Variants in HELLS observed in about 807,000 individuals in gnomAD.
HELLS encodes the protein lymphoid-specific helicase.
A neutral mutation model predicts 120.0 loss-of-function variants in HELLS; 32 were observed. The observed-to-expected ratio is 0.27, with a 90% confidence interval of 0.20 to 0.36. The LOEUF (loss-of-function observed/expected upper bound fraction) is 0.36, where lower values mean the gene tolerates loss of function less well. HELLS is among the 10% of genes least tolerant of loss of function. The probability of loss-of-function intolerance (pLI) is 1.00; values close to 1 mark genes in which losing one functional copy is unlikely to be tolerated. For synonymous variants in HELLS, 341 were observed against 323.4 expected (o/e 1.05, Z -0.58); for missense variants, 650 against 993.4 (o/e 0.65, Z 4.65).
chr10:94,576,539 G>A, intron 9 of HELLS, 123 bp from the exon 10 acceptor site: 2 of 516,290 alleles, frequency 3.9e-6, no homozygotes, highest in Non-Finnish European at 6.5e-6. Flanking sequence ...TTTTGCTATA[G>A]AAAAATAGAA....
rs2134139041 is a variant in HELLS at position 94,601,563 on chromosome 10, A to G, written c.2458A>G (p.Met820Val). 6.3e-7 allele frequency: 1 copy of G among 1,584,348 alleles called. No individual in the cohort carries two copies. The highest frequency in any genetic ancestry group is 1.3e-5 in the African/African-American group (1 of 74,178). Residue 820 changes from methionine to valine, a missense_variant, in exon 22 of 22, where the codon ATG becomes GTG. This residue lies in a region of HELLS where 90 missense variants were observed against 109.2 expected (regional missense o/e 0.82). Coordinates refer to ENST00000348459, the MANE Select transcript of HELLS (RefSeq NM_018063.5). ...MNASGPIKEK[M>V]GIFKILENSE... ...TGCTTCAGGACCAATTAAAGAGAAG[A>G]TGGGGATATTCAAGATATTAGAAAA...
At chr10:94,600,975 G>T (rs1308497974) in intron 21 of HELLS, among the ~76,000 whole-genome samples, 2 of 152,078 alleles carry the variant, frequency 1.3e-5, no homozygotes, top group African/African-American at 4.8e-5. Context: ...ATAAGAGCAG[G>T]CTATTACCAA....
Position 94,552,309 on chromosome 10 carries a change from GTTAAC to G in HELLS, c.154-1812_154-1808del, listed in dbSNP as rs567932888. On this transcript the variant is annotated intron_variant, in intron 2 of 21. Transcript: ENST00000348459. ...AATTTAGAATCTTTTTAATTCTAAA[GTTAAC>G]TTAAGTGTGATTTTTAGTGCTGTTG... 2.7e-4 allele frequency among the ~76,000 whole-genome samples: 41 copies of G among 152,246 alleles called. 1 individual carries two copies. The highest frequency in any genetic ancestry group is 7.9e-4 in the African/African-American group (33 of 41,560).
downstream of HELLS, among the ~76,000 whole-genome samples, chr10:94,605,932 C>G (rs1302188013): frequency 6.6e-6 from 1 of 152,004 alleles, no homozygotes; most frequent in Non-Finnish European, 1.5e-5. Flanking sequence ...GCACCTGGCC[C>G]GAATGCTGCT....
chr10:94,563,808 C>CTT (rs10623208), intron 6 of HELLS, among the ~76,000 whole-genome samples: 48,774 of 136,208 alleles, frequency 0.36, 9,224 homozygotes, highest in East Asian at 0.66. Flanking sequence ...GTTTTCTTTT[C>CTT]TTTTTTTTTT....
In HELLS at chr10:94,562,977, G is replaced by T. The variant is rs193214485; in HGVS notation, c.435+101G>T. The stretch of plus-strand genomic sequence containing the variant: ...AAAGATTGAATATTCAATATCACAT[G>T]AAATATGTTTTGAATTTAATATTAT... On this transcript the variant is annotated intron_variant, in intron 6 of 21. Coordinates refer to ENST00000348459, the MANE Select transcript of HELLS (RefSeq NM_018063.5). 1,394 of 713,062 alleles carry T rather than the reference G, an allele frequency of 2.0e-3. 6 individuals carry two copies. The highest frequency in any genetic ancestry group is 2.8e-3 in the Non-Finnish European group (1,213 of 427,124). 44.2% of individuals were successfully genotyped at this position (713,062 alleles called of 1,614,324 possible).
At chr10:94,551,939 C>T (rs1265839334) in intron 2 of HELLS, among the ~76,000 whole-genome samples, 1 of 152,100 alleles carries the variant, frequency 6.6e-6, no homozygotes, top group Non-Finnish European at 1.5e-5. Flanking sequence ...CAGGGTTTCA[C>T]CGTGTTAGCC....
exon 10 of HELLS, chr10:94,609,873 C>T (rs1029565404): frequency 2.0e-5 from 3 of 152,006 alleles, no homozygotes; most frequent in Non-Finnish European, 2.9e-5. Context: ...CAAGAGAAGC[C>T]GTACTGGAAT....
chr10:94,590,002 ATAAT>A (rs1423319732), intron 13 of HELLS, among the ~76,000 whole-genome samples: 3 of 151,998 alleles, frequency 2.0e-5, no homozygotes, highest in African/African-American at 7.3e-5. Flanking sequence ...TCCCTTTTTA[ATAAT>A]TAATTATAAT....
downstream of HELLS, among the ~76,000 whole-genome samples, chr10:94,603,458 T>G (rs554393868): frequency 1.3e-5 from 2 of 152,352 alleles, no homozygotes; most frequent in East Asian, 3.9e-4. Context: ...TTTCTCAGTT[T>G]CCTTTGCTGT....
intron 15 of HELLS, 71 bp downstream of exon 15, chr10:94,590,847 T>A: frequency 1.2e-6 from 1 of 842,362 alleles, no homozygotes. Flanking sequence ...AGTGTTACTT[T>A]TTTTGATTAT....
chr10:94,552,587 A>G (rs933738106), intron 2 of HELLS, among the ~76,000 whole-genome samples: 1 of 152,282 alleles, frequency 6.6e-6, no homozygotes, highest in African/African-American at 2.4e-5. Context: ...TGTAGTATAA[A>G]TCAGACTTTC....
At chr10:94,598,264 T>C (rs1845839958) in intron 21 of HELLS, among the ~76,000 whole-genome samples, 2 of 152,218 alleles carry the variant, frequency 1.3e-5, no homozygotes, top group Admixed American at 6.5e-5. Flanking sequence ...GTAACATTCA[T>C]ATCACGGATA....
intron 6 of HELLS, among the ~76,000 whole-genome samples, chr10:94,568,266 G>A (rs1843942183): frequency 6.7e-6 from 1 of 149,514 alleles, no homozygotes; most frequent in African/African-American, 2.5e-5. Flanking sequence ...TTATGCAGTT[G>A]AGCAGTTTTA....
rs1842719483 is a variant in HELLS at position 94,545,851 on chromosome 10, T to A, written c.-71T>A. ...GCTAGAAGGCTGGGCCGGCAGCGGTTGTGAGGAGTTAGCTCGCGGCATTGC... is the reference window on the plus strand; with the variant it reads ...GCTAGAAGGCTGGGCCGGCAGCGGTAGTGAGGAGTTAGCTCGCGGCATTGC... On this transcript the variant is annotated 5_prime_UTR_variant, in exon 1 of 22. Transcript: ENST00000348459. 6.7e-7 allele frequency: 1 copy of A among 1,491,730 alleles called. No individual in the cohort carries two copies. Among genetic ancestry groups the A allele is most frequent in the Non-Finnish European group, 9.2e-7 (1 of 1,092,234 alleles). The allele number at this position is 1,491,730 out of a possible 1,614,324, so 92.4% of individuals were successfully genotyped here.
intron 10 of HELLS, among the ~76,000 whole-genome samples, chr10:94,580,592 A>G (rs1017664277): frequency 2.0e-5 from 3 of 152,134 alleles, no homozygotes; most frequent in Admixed American, 1.3e-4. Flanking sequence ...TTTCTTGGTT[A>G]TTTTAATAAA....
At chr10:94,580,888 T>C (rs1052357590) in intron 10 of HELLS, among the ~76,000 whole-genome samples, 4 of 152,200 alleles carry the variant, frequency 2.6e-5, no homozygotes, top group Non-Finnish European at 4.4e-5. Context: ...GTGGGTGACT[T>C]TCTGTGAAAA....
At chr10:94,553,182 T>C (rs1227981882) in intron 2 of HELLS, among the ~76,000 whole-genome samples, 2 of 152,168 alleles carry the variant, frequency 1.3e-5, no homozygotes, top group African/African-American at 4.8e-5. Context: ...AAATTTTCCT[T>C]ATCTGTACAT....
At chr10:94,565,800 C>T (rs555728647) in intron 6 of HELLS, among the ~76,000 whole-genome samples, 1 of 152,246 alleles carries the variant, frequency 6.6e-6, no homozygotes, top group African/African-American at 2.4e-5. Flanking sequence ...CAAACTTTGT[C>T]ATAGGTGGAT....
Sources: allele counts gnomAD v4.1 joint callset (sites outside exome capture counted in the v4.1 genomes callset), GRCh38; gene constraint gnomAD v4.1.1; regional missense constraint gnomAD v4.1.1; transcripts MANE v1.5; gene names NCBI Gene and HGNC (gene_info 2026-07-23, HGNC 2026-07-21).